Variants in TPR observed in about 807,000 individuals in gnomAD.
TPR encodes the protein nucleoprotein TPR.
A neutral mutation model predicts 316.1 loss-of-function variants in TPR; 51 were observed. The ratio of observed to expected loss-of-function variants is 0.16; its 90% CI spans 0.13 to 0.20. The LOEUF is 0.20. Ranked by LOEUF, TPR falls within the 10% of genes least tolerant of loss-of-function variation. The pLI, the probability that TPR is intolerant of heterozygous loss-of-function variation, is 1.00. For synonymous variants in TPR, 981 were observed against 914.7 expected (o/e 1.07, Z -1.31); for missense variants, 2,272 against 2,754.8 (o/e 0.82, Z 3.92).
intron 46 of TPR, 39 bp from the exon 47 acceptor site, chr1:186,318,867 A>G (rs1192587914): frequency 6.3e-7 from 1 of 1,588,660 alleles, no homozygotes; most frequent in South Asian, 1.1e-5. Flanking sequence ...GACTGAAAAA[A>G]ACATAAAATT....
In TPR at chr1:186,341,366, C is replaced by T; in HGVS notation, c.3774G>A (p.Gln1258=). Residue 1258 remains glutamine (Q), a synonymous_variant, in exon 28 of 51, where the codon CAG becomes CAA. Coordinates refer to ENST00000367478, the MANE Select transcript of TPR (RefSeq NM_003292.3). ...CAGTTTTCTTCATCAGTTCTTCATG[C>T]TGAGCCATTGTTTTTGCAGTTACCT... ...KVQVTAKTMA[Q]HEELMKKTET... The T allele has an allele frequency of 6.2e-7, 1 of 1,613,132 alleles. No individual in the cohort carries two copies. Among genetic ancestry groups the T allele is most frequent in the Non-Finnish European group, 8.5e-7 (1 of 1,179,906 alleles).
Position 186,313,911 on chromosome 1 carries a change from A to G in TPR, c.*60T>C, listed in dbSNP as rs981273038. 8.9e-6 allele frequency: 14 copies of G among 1,569,388 alleles called. 1 individual carries two copies. The highest frequency in any genetic ancestry group is 3.3e-5 in the South Asian group (3 of 89,816). On this transcript the variant is annotated 3_prime_UTR_variant, in exon 51 of 51. Coordinates refer to ENST00000367478, the MANE Select transcript of TPR (RefSeq NM_003292.3). ...TATAAAAATGTTTTTAAACTTGACA[A>G]TCATTACACTAAAACAGATTTGATA...
chr1:186,355,268 A>G (rs1291715621), intron 17 of TPR, 142 bp downstream of exon 17: 1 of 882,704 alleles, frequency 1.1e-6, no homozygotes, highest in Non-Finnish European at 1.7e-6. Flanking sequence ...ATATGAAAAA[A>G]ATGAACTACC....
rs4650698 is a variant in TPR at position 186,312,001 on chromosome 1, G to C, written c.*1970C>G. ...ATCTATTCATTCAACAAGTATTTCA[G>C]TTTAATAATTATTTTTATAATACCC... is the stretch of plus-strand genomic sequence containing the variant. On this transcript the variant is annotated 3_prime_UTR_variant, in exon 51 of 51. Transcript: ENST00000367478. 1 of 595,418 alleles carries C rather than the reference G, an allele frequency of 1.7e-6. No individual in the cohort carries two copies. The highest frequency in any genetic ancestry group is 2.9e-6 in the Non-Finnish European group (1 of 343,818). 36.9% of individuals were successfully genotyped at this position (595,418 alleles called of 1,614,324 possible). A position where few individuals can be genotyped will look rare whatever the true frequency, so the allele number is the denominator to read the frequency against.
At chr1:186,356,728 A>T (rs1659039463) in intron 14 of TPR, among the ~76,000 whole-genome samples, 1 of 152,142 alleles carries the variant, frequency 6.6e-6, no homozygotes, top group African/African-American at 2.4e-5. Flanking sequence ...TTTCTTAGCC[A>T]TTCTTCCTCT....
Position 186,312,402 on chromosome 1 carries a change from T to G in TPR, c.*1569A>C. ...CATTTTTATTGTGTTAAAAAAATCC[T>G]TAAACATAAGTAGATGTAATACAGT... On this transcript the variant is annotated 3_prime_UTR_variant, in exon 51 of 51. Transcript: ENST00000367478. The G allele has an allele frequency of 6.3e-7, 1 of 1,575,260 alleles. No individual in the cohort carries two copies. The highest frequency in any genetic ancestry group is 8.7e-7 in the Non-Finnish European group (1 of 1,154,404).
chr1:186,356,584 CTGAG>C (rs1403170891), intron 14 of TPR, 135 bp from the exon 15 acceptor site: 25 of 838,536 alleles, frequency 3.0e-5, no homozygotes, highest in Non-Finnish European at 4.2e-5. Flanking sequence ...TTTTTTCATG[CTGAG>C]TATTTTATGA....
intron 5 of TPR, 121 bp from the exon 6 acceptor site, chr1:186,363,122 G>A: frequency 8.6e-7 from 1 of 1,162,786 alleles, no homozygotes; most frequent in Non-Finnish European, 1.2e-6. Context: ...TTAAGTATTT[G>A]CATAGATTCT....
intron 4 of TPR, among the ~76,000 whole-genome samples, chr1:186,364,327 A>C (rs569614175): frequency 6.6e-6 from 1 of 152,222 alleles, no homozygotes; most frequent in South Asian, 2.1e-4. Flanking sequence ...TGAGGACTGC[A>C]GCGATGGTTA....
At chr1:186,346,415 T>C in intron 22 of TPR, 128 bp from the exon 23 acceptor site, 2 of 985,822 alleles carry the variant, frequency 2.0e-6, no homozygotes, top group South Asian at 4.7e-5. Context: ...AAAAAAAGAA[T>C]CCATCAAAGG....
intron 39 of TPR, among the ~76,000 whole-genome samples, chr1:186,330,217 C>T (rs796691110): frequency 8.5e-5 from 13 of 152,214 alleles, no homozygotes; most frequent in African/African-American, 3.1e-4. Context: ...GCCTGTCTGG[C>T]ATGGTAAATT....
chr1:186,326,617 C>A (rs972373510), intron 40 of TPR, among the ~76,000 whole-genome samples: 4 of 151,598 alleles, frequency 2.6e-5, no homozygotes, highest in African/African-American at 9.7e-5. Context: ...AAGAAGCTGT[C>A]AATATAGGAT....
intron 6 of TPR, 60 bp from the exon 7 acceptor site, chr1:186,362,440 A>G (rs937792764): frequency 3.0e-6 from 4 of 1,331,280 alleles, no homozygotes; most frequent in South Asian, 1.2e-5. Flanking sequence ...TTACTCTGAC[A>G]TGAGGTTTAT....
In TPR at chr1:186,311,824, T is replaced by G. The variant is rs1657262230; in HGVS notation, c.*2147A>C. ...TTGAGTTTTCAGGTCACTGATAGAA[T>G]GTCATTTACTTTCGCTTCACAAATG... On this transcript the variant is annotated 3_prime_UTR_variant, in exon 51 of 51. Transcript: ENST00000367478. 2 of 595,158 alleles carry G rather than the reference T, an allele frequency of 3.4e-6. No homozygotes were observed. The highest frequency in any genetic ancestry group is 5.8e-5 in the East Asian group (2 of 34,562). The allele number at this position is 595,158 out of a possible 1,614,324, so 36.9% of individuals were successfully genotyped here.
chr1:186,356,906 G>C (rs1337495954), intron 14 of TPR, among the ~76,000 whole-genome samples: 4 of 152,100 alleles, frequency 2.6e-5, no homozygotes, highest in Non-Finnish European at 5.9e-5. Flanking sequence ...TTGTCTACTT[G>C]CCTATTTTAT....
At chr1:186,345,108 A>G (rs546538045) in intron 24 of TPR, among the ~76,000 whole-genome samples, 4 of 152,332 alleles carry the variant, frequency 2.6e-5, no homozygotes, top group African/African-American at 7.2e-5. Context: ...AAAAGCTTCA[A>G]TACTGTGTGC....
chr1:186,350,334 T>G lies in TPR; in HGVS notation c.2665A>C (p.Asn889His). Residue 889 changes from asparagine to histidine, a missense_variant, in exon 21 of 51, where the codon AAC becomes CAC. Physicochemically the swap from Asn to His is moderately conservative, Grantham distance 68 (BLOSUM62 1). Transcript: ENST00000367478. ...GCATTTTTTAATAGTTCTTTTGTGT[T>G]AAGATGAAGATTTGTCTCTGTATCC... ...QLDTETNLHL[N>H]TKELLKNAQK... The G allele has an allele frequency of 5.0e-6, 8 of 1,613,490 alleles. No individual in the cohort carries two copies. Among genetic ancestry groups the G allele is most frequent in the Non-Finnish European group, 6.8e-6 (8 of 1,179,624 alleles).
At position 186,327,501 on chromosome 1, in the gene TPR, C is replaced by A; in HGVS notation, c.5848G>T (p.Asp1950Tyr). 6.2e-7 allele frequency: 1 copy of A among 1,610,532 alleles called. No homozygotes were observed. Among genetic ancestry groups the A allele is most frequent in the Non-Finnish European group, 8.5e-7 (1 of 1,179,324 alleles). ...GDDVIVIDSDDEEEDDDENDG... is the reference protein window; with the variant it reads ...GDDVIVIDSDYEEEDDDENDG... ...TTTTCATCATCATCCTCTTCTTCAT[C>A]ATCACTGTCAATTACAATGACATCA... The change falls in exon 40 of 51, where the codon GAT (aspartate) becomes TAT (tyrosine). Residue 1950 changes from aspartate (D) to tyrosine (Y), a missense_variant. By Grantham distance (160) the Asp-to-Tyr change is radical. Coordinates refer to ENST00000367478, the MANE Select transcript of TPR (RefSeq NM_003292.3).
chr1:186,358,519 G>A, intron 13 of TPR, 24 bp downstream of exon 13: 1 of 1,592,704 alleles, frequency 6.3e-7, no homozygotes, highest in South Asian at 1.1e-5. Flanking sequence ...TTAAAAGTAG[G>A]AAAACAAACA....
Sources: gnomAD v4.1 joint callset for allele counts (sites outside exome capture counted in the v4.1 genomes callset) on GRCh38, gnomAD v4.1.1 for gene constraint, MANE v1.5 for transcripts, NCBI Gene and HGNC (gene_info 2026-07-23, HGNC 2026-07-21) for gene names.